DNM3: variants seen among roughly 807,000 people sequenced by gnomAD.
DNM3 encodes dynamin 3.
A neutral mutation model predicts 101.6 loss-of-function variants in DNM3; 47 were observed. The ratio of observed to expected loss-of-function variants is 0.46; its 90% CI spans 0.37 to 0.59. The LOEUF is 0.59. DNM3 is among the 20% of genes least tolerant of loss of function. DNM3 has a pLI of 0.00. For missense variants in DNM3, 849 were observed against 1,085.7 expected (o/e 0.78, Z 3.06); for synonymous variants, 385 against 387.9 (o/e 0.99, Z 0.09).
At chr1:172,119,030 T>C (rs181402720) in intron 13 of DNM3, among the ~76,000 whole-genome samples, 5 of 151,936 alleles carry the variant, frequency 3.3e-5, no homozygotes, top group African/African-American at 1.2e-4. Context: ...TTCACTCTTG[T>C]TGCCCAGGCT....
intron 1 of DNM3, among the ~76,000 whole-genome samples, chr1:171,845,143 C>A (rs573772798): frequency 1.3e-5 from 2 of 152,240 alleles, no homozygotes; most frequent in African/African-American, 4.8e-5. Flanking sequence ...ATGACCATAA[C>A]CCATGCTCTA....
Position 172,328,188 on chromosome 1 carries a change from C to T in DNM3, c.1893+4848C>T, listed in dbSNP as rs894485860. 2.6e-5 allele frequency among the ~76,000 whole-genome samples: 4 copies of T among 152,008 alleles called. No homozygotes were observed. In the East Asian group the frequency reaches 5.8e-4, roughly 22 times the overall value. On this transcript the variant is annotated intron_variant, in intron 17 of 20. Transcript: ENST00000627582. ...TATATTTTTATTTTCTCTGTTGGGT[C>T]GAAAATGAAGTGACCTCTCTAGTTA...
intron 20 of DNM3, among the ~76,000 whole-genome samples, chr1:172,401,204 C>T (rs888335621): frequency 6.6e-5 from 10 of 152,324 alleles, no homozygotes; most frequent in African/African-American, 2.4e-4. Context: ...TAAAAACCAA[C>T]TTAAACACAC....
chr1:171,865,821 T>C (rs2034687625), intron 1 of DNM3, among the ~76,000 whole-genome samples: 2 of 152,216 alleles, frequency 1.3e-5, no homozygotes, highest in African/African-American at 2.4e-5. Flanking sequence ...GTGATCTCAC[T>C]TCTCATCAGG....
chr1:172,378,920 C>T (rs1279560810), intron 17 of DNM3, 98 bp from the exon 18 acceptor site: 1 of 1,327,948 alleles, frequency 7.5e-7, no homozygotes, highest in Non-Finnish European at 1.0e-6. Context: ...TAAACTCCAA[C>T]TATGCTAATC....
At chr1:171,922,581 A>T (rs960847392) in intron 2 of DNM3, among the ~76,000 whole-genome samples, 4 of 152,242 alleles carry the variant, frequency 2.6e-5, no homozygotes, top group African/African-American at 9.6e-5. Flanking sequence ...AGAAGTTAAC[A>T]GTTGAATAGA....
intron 17 of DNM3, among the ~76,000 whole-genome samples, chr1:172,371,858 ATTTTTATTTTTAT>A (rs1053046277): frequency 1.0e-4 from 15 of 145,522 alleles, no homozygotes; most frequent in African/African-American, 3.3e-4. Flanking sequence ...ATTTTTATTT[ATTTTTATTTTTAT>A]TTTTTATTTT....
chr1:172,087,607 C>T (rs541418250), intron 12 of DNM3, among the ~76,000 whole-genome samples: 70 of 152,190 alleles, frequency 4.6e-4, no homozygotes, highest in African/African-American at 1.7e-3. Context: ...TCCTTGTTCC[C>T]CTCATATCTT....
At chr1:172,282,274 A>G (rs1199331826) in intron 15 of DNM3, among the ~76,000 whole-genome samples, 1 of 152,176 alleles carries the variant, frequency 6.6e-6, no homozygotes, top group Admixed American at 6.6e-5. Flanking sequence ...GGCCTTGTGA[A>G]CTAATCACTT....
intron 12 of DNM3, among the ~76,000 whole-genome samples, chr1:172,087,159 C>T (rs1427107130): frequency 6.6e-6 from 1 of 152,160 alleles, no homozygotes; most frequent in Non-Finnish European, 1.5e-5. Context: ...CCGTTAATCA[C>T]TCCTTCTTGA....
chr1:171,970,118 C>A, intron 2 of DNM3: 1 of 289,936 alleles, frequency 3.4e-6, no homozygotes, highest in Non-Finnish European at 5.1e-6. Context: ...ATAGTTCCTT[C>A]CTTCTGCATC....
At chr1:172,276,477 T>G (rs145319018) in intron 15 of DNM3, among the ~76,000 whole-genome samples, 2 of 152,028 alleles carry the variant, frequency 1.3e-5, no homozygotes, top group African/African-American at 4.8e-5. Context: ...TTTAGGAAGA[T>G]TTATGTGTAA....
chr1:171,918,219 A>G (rs568505382), intron 1 of DNM3, among the ~76,000 whole-genome samples: 2 of 152,264 alleles, frequency 1.3e-5, no homozygotes, highest in African/African-American at 4.8e-5. Context: ...AATAATAGTA[A>G]CATTTTTCCG....
At chr1:172,354,982 C>T (rs2067377548) in intron 17 of DNM3, among the ~76,000 whole-genome samples, 3 of 152,128 alleles carry the variant, frequency 2.0e-5, no homozygotes, top group Admixed American at 2.0e-4. Context: ...TTATTTGTCT[C>T]GGCTTGCACT....
intron 17 of DNM3, among the ~76,000 whole-genome samples, chr1:172,347,594 GA>G (rs2067004928): frequency 6.6e-6 from 1 of 152,124 alleles, no homozygotes; most frequent in Non-Finnish European, 1.5e-5. Flanking sequence ...TAGTAAACTG[GA>G]AAATCTGTAG....
chr1:172,169,550 T>G (rs1162290418), intron 14 of DNM3, among the ~76,000 whole-genome samples: 1 of 151,948 alleles, frequency 6.6e-6, no homozygotes, highest in Non-Finnish European at 1.5e-5. Context: ...CACTGAGCCT[T>G]GATCAAATTG....
chr1:172,259,358 A>G (rs192980698), intron 15 of DNM3, among the ~76,000 whole-genome samples: 11 of 152,076 alleles, frequency 7.2e-5, no homozygotes, highest in Admixed American at 5.9e-4. Context: ...AGAAGTCCCA[A>G]CTATTCCTGT....
chr1:172,308,661 A>C (rs988332750), intron 15 of DNM3, 67 bp from the exon 16 acceptor site: 12 of 762,940 alleles, frequency 1.6e-5, no homozygotes, highest in Admixed American at 7.0e-5. Context: ...CATCGTCTAC[A>C]GCAACATAAA....
Position 171,868,055 on chromosome 1 carries a change from G to A in DNM3, c.161+26238G>A, listed in dbSNP as rs185056924. ...CTATAAGATATAAATGAAATACATT[G>A]GTAAATTACTCTAAAAATTTCTTCA... is the stretch of plus-strand genomic sequence containing the variant. On this transcript the variant is annotated intron_variant, in intron 1 of 20. Coordinates refer to ENST00000627582, the MANE Select transcript of DNM3 (RefSeq NM_015569.5). Among the ~76,000 whole-genome samples the A allele has an allele frequency of 2.1e-4, 32 of 152,140 alleles. No homozygotes were observed. In the East Asian group the frequency reaches 5.4e-3, roughly 26 times the overall value.
Sources: allele counts gnomAD v4.1 joint callset (sites outside exome capture counted in the v4.1 genomes callset), GRCh38; gene constraint gnomAD v4.1.1; transcripts MANE v1.5; gene names NCBI Gene and HGNC (gene_info 2026-07-23, HGNC 2026-07-21).